Variants in CDH12 observed in about 807,000 individuals in gnomAD.
CDH12 encodes cadherin-12.
A neutral mutation model predicts 74.1 loss-of-function variants in CDH12; 41 were observed. That is an observed-to-expected ratio of 0.55 (90% CI 0.43 to 0.72). The LOEUF is 0.72. CDH12 is among the 30% of genes least tolerant of loss of function. The pLI, the probability that CDH12 is intolerant of heterozygous loss-of-function variation, is 0.00. For missense variants in CDH12, 945 were observed against 977.2 expected (o/e 0.97, Z 0.44); for synonymous variants, 399 against 355.0 (o/e 1.12, Z -1.39).
chr5:22,044,934 A>C (rs76036063), intron 5 of CDH12, among the ~76,000 whole-genome samples: 2,344 of 152,318 alleles, frequency 0.015, 29 homozygotes, highest in Non-Finnish European at 0.024. Context: ...CAAAAGCAAA[A>C]ATAGACAAAT....
chr5:21,913,485 G>A (rs1753953226), intron 6 of CDH12, among the ~76,000 whole-genome samples: 2 of 151,964 alleles, frequency 1.3e-5, no homozygotes, highest in South Asian at 2.1e-4. Context: ...GTTTCTGTCC[G>A]GGTGCTTAAT....
intron 4 of CDH12, among the ~76,000 whole-genome samples, chr5:22,129,073 T>C (rs1486666072): frequency 1.3e-5 from 2 of 152,176 alleles, no homozygotes; most frequent in Non-Finnish European, 2.9e-5. Context: ...CCTTGGGAAA[T>C]TGAGGAATAA....
At chr5:22,389,749 G>C (rs1208756791) in intron 3 of CDH12, among the ~76,000 whole-genome samples, 1 of 150,214 alleles carries the variant, frequency 6.7e-6, no homozygotes, top group Non-Finnish European at 1.5e-5. Flanking sequence ...CCGGGTTCAC[G>C]CCATTCTCCT....
intron 1 of CDH12, among the ~76,000 whole-genome samples, chr5:22,575,756 G>C (rs1478600300): frequency 6.6e-6 from 1 of 151,888 alleles, no homozygotes; most frequent in Non-Finnish European, 1.5e-5. Context: ...GTAGAGACAG[G>C]GTTTCATCAT....
At chr5:21,981,428 C>A (rs1481326308) in intron 5 of CDH12, among the ~76,000 whole-genome samples, 1 of 151,846 alleles carries the variant, frequency 6.6e-6, no homozygotes, top group Non-Finnish European at 1.5e-5. Flanking sequence ...TATCTGTTAA[C>A]CCAGCTTAAT....
chr5:22,749,798 C>G (rs921787303), intron 1 of CDH12, among the ~76,000 whole-genome samples: 1 of 152,184 alleles, frequency 6.6e-6, no homozygotes, highest in Non-Finnish European at 1.5e-5. Flanking sequence ...TTCAAAACTG[C>G]AGACTTCCCT....
At chr5:22,713,644 A>G (rs1743413137) in intron 1 of CDH12, among the ~76,000 whole-genome samples, 2 of 152,112 alleles carry the variant, frequency 1.3e-5, no homozygotes, top group African/African-American at 4.8e-5. Context: ...GTGGCATAAT[A>G]GATATGTAAC....
At chr5:22,631,174 T>C (rs533166306) in intron 1 of CDH12, among the ~76,000 whole-genome samples, 3 of 152,340 alleles carry the variant, frequency 2.0e-5, no homozygotes, top group East Asian at 1.9e-4. Flanking sequence ...GGAATGCTTA[T>C]ACACTGCTGG....
chr5:22,565,298 G>A (rs1181065651), intron 1 of CDH12, among the ~76,000 whole-genome samples: 1 of 152,086 alleles, frequency 6.6e-6, no homozygotes, highest in East Asian at 1.9e-4. Flanking sequence ...ATAGTTCTAG[G>A]TTTAGTTTTT....
intron 2 of CDH12, among the ~76,000 whole-genome samples, chr5:22,418,560 C>A (rs1743497993): frequency 6.6e-6 from 1 of 152,082 alleles, no homozygotes; most frequent in African/African-American, 2.4e-5. Flanking sequence ...TTTGCCCATT[C>A]AGTATGATAT....
intron 1 of CDH12, among the ~76,000 whole-genome samples, chr5:22,646,271 G>C (rs1169816402): frequency 6.6e-6 from 1 of 151,754 alleles, no homozygotes; most frequent in Non-Finnish European, 1.5e-5. Context: ...GAAGAGGAAT[G>C]GTTAAGTGGA....
chr5:22,563,770 G>T (rs140125137), intron 1 of CDH12, among the ~76,000 whole-genome samples: 1 of 152,146 alleles, frequency 6.6e-6, no homozygotes, highest in Admixed American at 6.5e-5. Flanking sequence ...GAGGCCCCAC[G>T]ATCATGGTGT....
intron 1 of CDH12, among the ~76,000 whole-genome samples, chr5:22,656,690 C>G (rs1740054158): frequency 6.6e-6 from 1 of 152,122 alleles, no homozygotes; most frequent in South Asian, 2.1e-4. Context: ...AGTACAAACT[C>G]AGGAGTATTA....
At chr5:22,549,047 C>A (rs1738450651) in intron 1 of CDH12, among the ~76,000 whole-genome samples, 2 of 152,154 alleles carry the variant, frequency 1.3e-5, no homozygotes, top group African/African-American at 4.8e-5. Context: ...TCAAGGGATC[C>A]TTCCAACTCA....
intron 4 of CDH12, among the ~76,000 whole-genome samples, chr5:22,194,304 CTTTCTT>C (rs1429308460): frequency 2.4e-5 from 2 of 83,468 alleles, no homozygotes. Context: ...TTTTCTTTTT[CTTTCTT>C]TTTTTTTTTT....
At chr5:22,489,251 G>A (rs1352044102) in intron 2 of CDH12, among the ~76,000 whole-genome samples, 1 of 151,062 alleles carries the variant, frequency 6.6e-6, no homozygotes, top group South Asian at 2.1e-4. Flanking sequence ...TAGAGACGGG[G>A]TTTCACCGTG....
chr5:22,566,585 A>G (rs967378583), intron 1 of CDH12, among the ~76,000 whole-genome samples: 12 of 152,046 alleles, frequency 7.9e-5, no homozygotes, highest in African/African-American at 2.9e-4. Context: ...CTTGGCTGTG[A>G]TTGGCATAAA....
At chr5:22,218,421 T>G (rs1751899785) in intron 3 of CDH12, among the ~76,000 whole-genome samples, 1 of 151,760 alleles carries the variant, frequency 6.6e-6, no homozygotes, top group Non-Finnish European at 1.5e-5. Flanking sequence ...CAACTACTAG[T>G]ACACTTAACA....
chr5:22,713,620 T>A (rs1440468855), intron 1 of CDH12, among the ~76,000 whole-genome samples: 1 of 152,050 alleles, frequency 6.6e-6, no homozygotes, highest in East Asian at 1.9e-4. Context: ...ATTAGAGATA[T>A]GTATAAGGAG....
Sources: gnomAD v4.1 joint callset for allele counts (sites outside exome capture counted in the v4.1 genomes callset) on GRCh38, gnomAD v4.1.1 for gene constraint, MANE v1.5 for transcripts, NCBI Gene and HGNC (gene_info 2026-07-23, HGNC 2026-07-21) for gene names.